Variants in LIN7A observed in about 807,000 individuals in gnomAD.
LIN7A encodes lin-7 cell polarity scaffold A.
In LIN7A, 25 loss-of-function variants were observed where a neutral mutation model predicts 29.8. The ratio of observed to expected loss-of-function variants is 0.84; its 90% CI spans 0.61 to 1.17. The LOEUF is 1.17. LIN7A is among the 50% of genes most tolerant of loss of function. The pLI is 0.00. For synonymous variants in LIN7A, 118 were observed against 107.5 expected, an observed-to-expected ratio of 1.10 and a Z score of -0.60; for missense variants, 239 against 287.0, an observed-to-expected ratio of 0.83 and a Z score of 1.21.
rs373156984 is a variant in LIN7A, at chr12:80,884,492, G to A, written c.201+4759C>T. On this transcript the variant is annotated intron_variant, in intron 2 of 5. Transcript: ENST00000552864. ...TTTATCATATAAAACATTACTAGTC[G>A]TCTAGCAAAAGGAAGAGAACATGGC... Among the ~76,000 whole-genome samples, 38 of 152,190 alleles carry A rather than the reference G, an allele frequency of 2.5e-4. 1 individual carries two copies. Among genetic ancestry groups the A allele is most frequent in the Admixed American group, 1.2e-3 (19 of 15,290 alleles).
chr12:80,856,084 C>T (rs73143036), intron 2 of LIN7A, among the ~76,000 whole-genome samples: 16,154 of 151,932 alleles, frequency 0.11, 966 homozygotes, highest in Middle Eastern at 0.21. Flanking sequence ...TGCCTGCGGC[C>T]AGCCATTTTT....
chr12:80,896,583 C>T (rs1875911189), intron 1 of LIN7A, among the ~76,000 whole-genome samples: 1 of 152,204 alleles, frequency 6.6e-6, no homozygotes, highest in Non-Finnish European at 1.5e-5. Flanking sequence ...AATCTGCCAA[C>T]AACTTGCTGC....
At chr12:80,918,541 C>T (rs1009802374) in intron 1 of LIN7A, among the ~76,000 whole-genome samples, 1 of 152,114 alleles carries the variant, frequency 6.6e-6, no homozygotes, top group Non-Finnish European at 1.5e-5. Flanking sequence ...TCTACTCTTA[C>T]TAAAGTATCA....
chr12:80,837,615 G>C (rs1339940638), intron 4 of LIN7A, among the ~76,000 whole-genome samples: 3 of 152,118 alleles, frequency 2.0e-5, no homozygotes, highest in Non-Finnish European at 4.4e-5. Flanking sequence ...GGGATTTTTG[G>C]CTTCCAGGGC....
intron 3 of LIN7A, 21 bp from the exon 4 acceptor site, chr12:80,845,960 T>C (rs780810275): frequency 6.7e-7 from 1 of 1,483,240 alleles, no homozygotes; most frequent in African/African-American, 1.4e-5. Context: ...AAAAAAAAGA[T>C]GGTCTTTTGG....
chr12:80,926,782 A>G (rs1877603888), intron 1 of LIN7A, among the ~76,000 whole-genome samples: 1 of 152,008 alleles, frequency 6.6e-6, no homozygotes, highest in African/African-American at 2.4e-5. Flanking sequence ...ACAAGAAATT[A>G]GCCGGGCATG....
intron 2 of LIN7A, among the ~76,000 whole-genome samples, chr12:80,852,291 G>T (rs1243269307): frequency 6.6e-6 from 1 of 152,052 alleles, no homozygotes; most frequent in Non-Finnish European, 1.5e-5. Flanking sequence ...ACATACACAG[G>T]TTATGCAATC....
At chr12:80,874,258 G>A (rs1333380939) in intron 2 of LIN7A, among the ~76,000 whole-genome samples, 6 of 152,084 alleles carry the variant, frequency 3.9e-5, no homozygotes, top group African/African-American at 1.4e-4. Context: ...GGTTGAAAAT[G>A]GTTTTTCTGT....
chr12:80,916,535 C>T (rs973995429), intron 1 of LIN7A, among the ~76,000 whole-genome samples: 5 of 152,140 alleles, frequency 3.3e-5, no homozygotes, highest in African/African-American at 9.7e-5. Context: ...GCTTGTTTGC[C>T]CCTTGTCCCC....
At chr12:80,856,121 A>C (rs1484222435) in intron 2 of LIN7A, among the ~76,000 whole-genome samples, 2 of 152,170 alleles carry the variant, frequency 1.3e-5, no homozygotes, top group Admixed American at 1.3e-4. Flanking sequence ...AGAAAAATTA[A>C]ATGGCAATGG....
At chr12:80,896,024 G>T (rs186743314) in intron 1 of LIN7A, among the ~76,000 whole-genome samples, 3 of 152,200 alleles carry the variant, frequency 2.0e-5, no homozygotes, top group African/African-American at 7.2e-5. Flanking sequence ...TGACTTTAAA[G>T]GTGCTTTTCT....
chr12:80,864,534 G>T (rs1190182886), intron 2 of LIN7A, among the ~76,000 whole-genome samples: 1 of 152,102 alleles, frequency 6.6e-6, no homozygotes, highest in African/African-American at 2.4e-5. Context: ...AGGAACATCT[G>T]CATCATTATC....
chr12:80,814,028 A>G (rs754094289), intron 4 of LIN7A, among the ~76,000 whole-genome samples: 4 of 152,146 alleles, frequency 2.6e-5, no homozygotes, highest in Non-Finnish European at 4.4e-5. Flanking sequence ...ACTCAAAAAG[A>G]TACTAAATTG....
intron 2 of LIN7A, among the ~76,000 whole-genome samples, chr12:80,874,992 T>C (rs1795503): frequency 0.68 from 103,726 of 152,020 alleles, 39,254 homozygotes; most frequent in Non-Finnish European, 0.87. Context: ...CAGAGCGAGA[T>C]TCTGTCTCAA....
intron 4 of LIN7A, among the ~76,000 whole-genome samples, chr12:80,839,810 G>A (rs1872731110): frequency 2.6e-5 from 4 of 152,120 alleles, no homozygotes. Context: ...AAAAAAAGCC[G>A]ATGGCAGGAA....
rs1354993115 is a variant in LIN7A, at chr12:80,793,379, C to T, written c.*4348G>A. 4.6e-5 allele frequency: 7 copies of T among 152,132 alleles called. No homozygotes were observed. Among genetic ancestry groups the T allele is most frequent in the Non-Finnish European group, 2.9e-5 (2 of 68,008 alleles). 9.4% of individuals were successfully genotyped at this position (152,132 alleles called of 1,614,324 possible). On this transcript the variant is annotated 3_prime_UTR_variant, in exon 6 of 6. Coordinates refer to ENST00000552864, the MANE Select transcript of LIN7A (RefSeq NM_004664.4). ...AGATAAACTAAGCAGCATTTTTGAG[C>T]AGTGGTTTTAGAAAAGCAAGCTCAC... is the stretch of plus-strand genomic sequence containing the variant.
Position 80,841,775 on chromosome 12 carries a change from T to C in LIN7A, c.483+3955A>G, listed in dbSNP as rs537376603. 228 of 505,480 alleles carry C rather than the reference T, an allele frequency of 4.5e-4. No homozygotes were observed. The African/African-American group carries it at 4.5e-3, about 10-fold the overall frequency. The allele number at this position is 505,480 out of a possible 1,614,324, so 31.3% of individuals were successfully genotyped here. A position where few individuals can be genotyped will look rare whatever the true frequency, so the allele number is the denominator to read the frequency against. On this transcript the variant is annotated intron_variant, in intron 4 of 5. Coordinates refer to ENST00000552864, the MANE Select transcript of LIN7A (RefSeq NM_004664.4). ...GCTGGCTCCACATTGGCTGCAACCCTTATAAATAGTCCTTGAGTTCTCTCT... is the reference window on the plus strand; with the variant it reads ...GCTGGCTCCACATTGGCTGCAACCCCTATAAATAGTCCTTGAGTTCTCTCT...
chr12:80,854,505 A>AAAAAAAC (rs1565902856), intron 2 of LIN7A, among the ~76,000 whole-genome samples: 1 of 151,554 alleles, frequency 6.6e-6, no homozygotes. Context: ...AAAAAAAAAA[A>AAAAAAAC]AAAGCCAGAC....
chr12:80,847,703 A>G (rs1245232871), intron 3 of LIN7A, among the ~76,000 whole-genome samples: 3 of 152,262 alleles, frequency 2.0e-5, no homozygotes, highest in Non-Finnish European at 4.4e-5. Flanking sequence ...GGGTCTCTAC[A>G]GTCTCTGGAT....
Sources: allele counts gnomAD v4.1 joint callset (sites outside exome capture counted in the v4.1 genomes callset), GRCh38; gene constraint gnomAD v4.1.1; transcripts MANE v1.5; gene names NCBI Gene and HGNC (gene_info 2026-07-23, HGNC 2026-07-21).